The following ZNF606 variants were observed in gnomAD, a reference collection of about 807,000 sequenced individuals.
ZNF606 encodes the protein zinc finger protein 328.
In ZNF606, 37 loss-of-function variants were observed where a neutral mutation model predicts 74.9. The observed-to-expected ratio is 0.49, with a 90% CI of 0.38 to 0.65. The LOEUF (loss-of-function observed/expected upper bound fraction) is 0.65. ZNF606 is among the 30% of genes least tolerant of loss of function. The pLI is 0.00. For missense variants in ZNF606, 852 were observed against 952.9 expected, an observed-to-expected ratio of 0.89 and a Z score of 1.39; for synonymous variants, 328 against 312.4, an observed-to-expected ratio of 1.05 and a Z score of -0.53.
chr19:58,001,457 C>A, intron 1 of ZNF606, 87 bp from the exon 2 acceptor site: 4 of 1,057,862 alleles, frequency 3.8e-6, no homozygotes, highest in Admixed American at 2.2e-5. Context: ...TCCACCGAAG[C>A]AACAAAAAAA....
rs1037752976 is a variant in ZNF606, at chr19:57,988,286, C to T, written c.321G>A (p.Lys107=). 1.9e-6 allele frequency: 3 copies of T among 1,613,922 alleles called. No homozygotes were observed. The African/African-American group carries it at 4.0e-5, about 22-fold the overall frequency. Residue 107 remains lysine, a synonymous_variant, in exon 6 of 7, where the codon AAG becomes AAA. Coordinates refer to ENST00000551380, the MANE Select transcript of ZNF606 (RefSeq NM_001348022.3). ...GCTCCAACAGGGAGATGACCTCAGG[C>T]TTGGCAATCTGATTTCCTATGCATG... ...HLLSVGNQIA[K]PEVISLLEQG...
chr19:57,991,684 GA>G (rs760796258), intron 4 of ZNF606, among the ~76,000 whole-genome samples: 1 of 151,974 alleles, frequency 6.6e-6, no homozygotes, highest in Non-Finnish European at 1.5e-5. Flanking sequence ...TGAGGCTGAG[GA>G]ATGAGAATCT....
At chr19:58,000,096 CCT>C (rs1568585405) in intron 3 of ZNF606, 200 bp from the exon 4 acceptor site, 2 of 576,038 alleles carry the variant, frequency 3.5e-6, no homozygotes, top group Non-Finnish European at 6.2e-6. Flanking sequence ...ATTGGCCCCC[CCT>C]GTGCTATTGG....
chr19:57,991,166 C>G (rs1419816020), intron 4 of ZNF606, among the ~76,000 whole-genome samples: 1 of 152,146 alleles, frequency 6.6e-6, no homozygotes, highest in Non-Finnish European at 1.5e-5. Context: ...ATCCGTTTTC[C>G]TGTTCCTTGG....
At chr19:57,981,672 G>C (rs1354963098) in intron 6 of ZNF606, among the ~76,000 whole-genome samples, 1 of 152,162 alleles carries the variant, frequency 6.6e-6, no homozygotes, top group Non-Finnish European at 1.5e-5. Flanking sequence ...ATGACAAAAT[G>C]CTTTGTTTCC....
At chr19:57,989,729 G>A (rs2073222801) in intron 4 of ZNF606, among the ~76,000 whole-genome samples, 1 of 151,792 alleles carries the variant, frequency 6.6e-6, no homozygotes, top group Admixed American at 6.6e-5. Flanking sequence ...TTACAGGCAT[G>A]AGCCACTGCA....
intron 6 of ZNF606, among the ~76,000 whole-genome samples, chr19:57,985,199 A>C (rs1175213145): frequency 6.6e-6 from 1 of 152,234 alleles, no homozygotes; most frequent in African/African-American, 2.4e-5. Flanking sequence ...AGTAAATTTT[A>C]ATAAGAACAG....
chr19:57,988,355 A>C, intron 5 of ZNF606, 53 bp from the exon 6 acceptor site: 1 of 1,560,552 alleles, frequency 6.4e-7, no homozygotes, highest in Non-Finnish European at 8.8e-7. Flanking sequence ...CAGGACAGCC[A>C]AAGAAAGCTT....
At chr19:57,987,379 G>T (rs1392063416) in intron 6 of ZNF606, among the ~76,000 whole-genome samples, 1 of 152,008 alleles carries the variant, frequency 6.6e-6, no homozygotes, top group Admixed American at 6.6e-5. Context: ...GAGTAGCTAG[G>T]ACCACAGACA....
Position 58,000,721 on chromosome 19 carries a change from G to A in ZNF606, c.50C>T (p.Ser17Phe). The change falls in exon 3 of 7, where the codon TCT (serine) becomes TTT (phenylalanine). Residue 17 changes from serine to phenylalanine, a missense_variant. Physicochemically the swap from Ser to Phe is radical, Grantham distance 155. Around this residue, in one of 3 missense-constraint regions of ZNF606, gnomAD observed 545 missense variants for 542.5 expected, o/e 1.00. Transcript: ENST00000551380. ...WASWGALTDQ[S>F]WGMTAVDPWA... ...TGGGTCAACAGCTGTCATCCCCCAA[G>A]ATTGGTCCGTAAGGGCACCTGCACA... 3 of 1,594,102 alleles carry A rather than the reference G, an allele frequency of 1.9e-6. No individual in the cohort carries two copies. Among genetic ancestry groups the A allele is most frequent in the East Asian group, 2.3e-5 (1 of 43,902 alleles).
At chr19:57,987,140 G>A (rs760017950) in intron 6 of ZNF606, among the ~76,000 whole-genome samples, 1 of 152,120 alleles carries the variant, frequency 6.6e-6, no homozygotes, top group Non-Finnish European at 1.5e-5. Flanking sequence ...AATAACTCAA[G>A]ATTTTATAGT....
At chr19:58,002,011 A>G (rs1482224767) in intron 1 of ZNF606, 2 of 369,048 alleles carry the variant, frequency 5.4e-6, no homozygotes, top group African/African-American at 2.1e-5. Flanking sequence ...AGATCTTTGT[A>G]CAAGTCAGCA....
In ZNF606 at chr19:57,980,263, A is replaced by C. The variant is rs773833989; in HGVS notation, c.417T>G (p.Leu139=). The change falls in exon 7 of 7, where the codon CTT becomes CTG. Residue 139 remains leucine, a synonymous_variant. Coordinates refer to ENST00000551380, the MANE Select transcript of ZNF606 (RefSeq NM_001348022.3). ...GTGCTGGGATCAATGCTTTGCTTTC[A>C]AGATTTCTCACCCATTCTGAAACAG... ...QRTCPEWVRN[L]ESKALIPAQS... The C allele has an allele frequency of 1.7e-5, 27 of 1,606,568 alleles. No homozygotes were observed. Among genetic ancestry groups the C allele is most frequent in the Non-Finnish European group, 2.1e-5 (25 of 1,176,872 alleles).
chr19:57,996,714 A>G (rs2123333534), intron 4 of ZNF606, among the ~76,000 whole-genome samples: 1 of 152,280 alleles, frequency 6.6e-6, no homozygotes, highest in South Asian at 2.1e-4. Context: ...AAAGGGTGCT[A>G]AAGAGAGAAG....
At position 57,995,213 on chromosome 19, in the gene ZNF606, T is replaced by C. The variant is rs1415551508; in HGVS notation, c.177+4595A>G. Among the ~76,000 whole-genome samples, 7 of 134,418 alleles carry C rather than the reference T, an allele frequency of 5.2e-5. No individual in the cohort carries two copies. The East Asian group carries it at 1.5e-3, about 29-fold the overall frequency. The allele number at this position is 134,418 out of a possible 152,430, so 88.2% of individuals were successfully genotyped here. ...TCAAAAAAAAAAAAAAAAAAAAAAGTACATACCTAAAACCAGGTACAATTC... is the reference window on the plus strand; with the variant it reads ...TCAAAAAAAAAAAAAAAAAAAAAAGCACATACCTAAAACCAGGTACAATTC... On this transcript the variant is annotated intron_variant, in intron 4 of 6. Coordinates refer to ENST00000551380, the MANE Select transcript of ZNF606 (RefSeq NM_001348022.3).
intron 4 of ZNF606, among the ~76,000 whole-genome samples, chr19:57,990,341 G>T (rs565623719): frequency 2.0e-5 from 3 of 150,116 alleles, no homozygotes; most frequent in Non-Finnish European, 3.0e-5. Flanking sequence ...ATCCAGCCTG[G>T]GCGACAAAGC....
upstream of ZNF606, chr19:58,003,320 T>TA: frequency 2.2e-6 from 1 of 456,602 alleles, no homozygotes; most frequent in Non-Finnish European, 4.4e-6. Context: ...GAGCATGGGT[T>TA]ACCAGCGACG....
chr19:57,992,018 C>A (rs1211611286), intron 4 of ZNF606, among the ~76,000 whole-genome samples: 1 of 152,150 alleles, frequency 6.6e-6, no homozygotes, highest in Non-Finnish European at 1.5e-5. Context: ...CAAACCCACA[C>A]CCTAATGGCT....
Position 58,000,847 on chromosome 19 carries a change from C to CA in ZNF606, c.32-109dup, listed in dbSNP as rs1415601763. 7 of 1,094,284 alleles carry CA rather than the reference C, an allele frequency of 6.4e-6. No individual in the cohort carries two copies. The African/African-American group carries it at 9.5e-5, about 15-fold the overall frequency. The allele number at this position is 1,094,284 out of a possible 1,614,324, so 67.8% of individuals were successfully genotyped here. ...AATGGGCACTACAAAATTCCATAAA[C>CA]AGAGCCCAAGGGTGTGTAAAAAAAA... is the stretch of plus-strand genomic sequence containing the variant. On this transcript the variant is annotated intron_variant, in intron 2 of 6. Coordinates refer to ENST00000551380, the MANE Select transcript of ZNF606 (RefSeq NM_001348022.3).
Sources: gnomAD v4.1 joint callset for allele counts (sites outside exome capture counted in the v4.1 genomes callset) on GRCh38, gnomAD v4.1.1 for gene constraint, gnomAD v4.1.1 regional missense constraint, MANE v1.5 for transcripts, NCBI Gene and HGNC (gene_info 2026-07-23, HGNC 2026-07-21) for gene names.